The following ZSCAN5A variants were observed in gnomAD, a reference collection of about 807,000 sequenced individuals.
ZSCAN5A encodes the protein zinc finger and SCAN domain containing 5A.
Under a neutral mutation model 23.7 loss-of-function variants are expected in ZSCAN5A, and 12 were observed. That is an observed-to-expected ratio of 0.51 (90% CI 0.32 to 0.82). ZSCAN5A has a LOEUF of 0.82. ZSCAN5A is among the 40% of genes least tolerant of loss of function. The pLI is 0.03. For synonymous variants in ZSCAN5A, 257 were observed against 239.9 expected, an observed-to-expected ratio of 1.07 and a Z score of -0.66; for missense variants, 597 against 617.9, an observed-to-expected ratio of 0.97 and a Z score of 0.36.
intron 2 of ZSCAN5A, among the ~76,000 whole-genome samples, chr19:56,293,524 T>G (rs1002085685): frequency 2.0e-5 from 3 of 152,152 alleles, no homozygotes; most frequent in African/African-American, 7.2e-5. Flanking sequence ...GCAGAGAGTG[T>G]GCACTGTGGG....
intron 2 of ZSCAN5A, among the ~76,000 whole-genome samples, chr19:56,310,789 C>G (rs2040990618): frequency 6.6e-6 from 1 of 152,216 alleles, no homozygotes; most frequent in Non-Finnish European, 1.5e-5. Flanking sequence ...GGAGGAGGTT[C>G]CTTGTCCTGG....
At chr19:56,346,083 G>C (rs558687545) in intron 2 of ZSCAN5A, among the ~76,000 whole-genome samples, 5 of 150,754 alleles carry the variant, frequency 3.3e-5, no homozygotes, top group Admixed American at 6.6e-5. Context: ...AGAGAAAGGA[G>C]AGACAGCAGA....
intron 2 of ZSCAN5A, among the ~76,000 whole-genome samples, chr19:56,287,404 GC>G (rs2039205842): frequency 6.6e-6 from 1 of 151,814 alleles, no homozygotes; most frequent in Admixed American, 6.6e-5. Flanking sequence ...TTCCCTTCCC[GC>G]CTCTCCTCCC....
intron 2 of ZSCAN5A, among the ~76,000 whole-genome samples, chr19:56,311,096 C>CGTT (rs1306255319): frequency 6.6e-6 from 1 of 151,990 alleles, no homozygotes; most frequent in Admixed American, 6.6e-5. Context: ...CAGGGGGTTT[C>CGTT]GTTGTTGTTG....
chr19:56,295,372 T>C (rs963645219), intron 2 of ZSCAN5A, among the ~76,000 whole-genome samples: 1 of 151,990 alleles, frequency 6.6e-6, no homozygotes, highest in Non-Finnish European at 1.5e-5. Context: ...TGCGGGCGGA[T>C]CACCTCAGGT....
chr19:56,358,367 C>T (rs147403992), intron 2 of ZSCAN5A, among the ~76,000 whole-genome samples: 4,569 of 148,640 alleles, frequency 0.031, 708 homozygotes, highest in African/African-American at 0.11. Flanking sequence ...GTGATCCACC[C>T]GCCTCAGCCT....
At chr19:56,307,311 C>CTT (rs2040756204) in intron 2 of ZSCAN5A, among the ~76,000 whole-genome samples, 1 of 152,196 alleles carries the variant, frequency 6.6e-6, no homozygotes, top group Non-Finnish European at 1.5e-5. Context: ...ACCCCCACCC[C>CTT]CTGCTGCAGT....
chr19:56,320,097 G>A (rs1216745597), intron 2 of ZSCAN5A: 1 of 769,830 alleles, frequency 1.3e-6, no homozygotes, highest in South Asian at 1.3e-5. Context: ...TCTGAAGGCA[G>A]TAGGCTAATT....
chr19:56,287,440 C>T (rs1213880629), intron 2 of ZSCAN5A, among the ~76,000 whole-genome samples: 1 of 152,214 alleles, frequency 6.6e-6, no homozygotes, highest in African/African-American at 2.4e-5. Context: ...CGGAGCTACA[C>T]AGTCTTCTCC....
chr19:56,235,073 A>G (rs1282312512), intron 2 of ZSCAN5A, among the ~76,000 whole-genome samples: 5 of 134,232 alleles, frequency 3.7e-5, no homozygotes, highest in Non-Finnish European at 8.2e-5. Flanking sequence ...CCGTGGGCCA[A>G]GCCTCCACTC....
At position 56,351,538 on chromosome 19, in the gene ZSCAN5A, C is replaced by T. The variant is rs977233234; in HGVS notation, c.-358+11697G>A. Among the ~76,000 whole-genome samples the T allele has an allele frequency of 2.0e-5, 3 of 152,170 alleles. No homozygotes were observed. The highest frequency in any genetic ancestry group is 7.2e-5 in the African/African-American group (3 of 41,446). On this transcript the variant is annotated intron_variant, in intron 2 of 6. Transcript: ENST00000587340. This position sits in a 1 kb window ranked among gnomAD's most constrained non-coding sequence, Gnocchi z 4.8. Reference sequence around the variant, plus strand: ...TAAGGGACTGTCTTTCTGTTGCGCACAGGGTCTATCTCTGTTCCTTTCCCA... The same window carrying T: ...TAAGGGACTGTCTTTCTGTTGCGCATAGGGTCTATCTCTGTTCCTTTCCCA...
intron 2 of ZSCAN5A, among the ~76,000 whole-genome samples, chr19:56,245,842 T>C (rs1248579852): frequency 6.6e-6 from 1 of 152,100 alleles, no homozygotes; most frequent in Non-Finnish European, 1.5e-5. Context: ...CACATGGCCA[T>C]GTCTGGAGAT....
intron 2 of ZSCAN5A, among the ~76,000 whole-genome samples, chr19:56,332,311 A>G (rs1387849499): frequency 6.6e-6 from 1 of 152,208 alleles, no homozygotes; most frequent in Non-Finnish European, 1.5e-5. Context: ...TCATAGATCT[A>G]GAACTACGGC....
At chr19:56,366,422 C>CAAAAAAAAAAAAAAAAA (rs34420866) in intron 1 of ZSCAN5A, among the ~76,000 whole-genome samples, 1 of 83,170 alleles carries the variant, frequency 1.2e-5, no homozygotes, top group African/African-American at 3.8e-5. Context: ...GACTCTGTCT[C>CAAAAAAAAAAAAAAAAA]AAAAAAAAAA....
At chr19:56,260,509 T>A (rs1015593218) in intron 2 of ZSCAN5A, among the ~76,000 whole-genome samples, 1 of 152,188 alleles carries the variant, frequency 6.6e-6, no homozygotes, top group African/African-American at 2.4e-5. Context: ...CCACCGCGCC[T>A]GGGCTTTTTT....
At chr19:56,348,085 T>A (rs1273931285) in intron 2 of ZSCAN5A, 1 of 152,164 alleles carries the variant, frequency 6.6e-6, no homozygotes, top group Non-Finnish European at 1.5e-5. Context: ...TCAGGACCAG[T>A]TTCACAGACG....
At chr19:56,349,211 A>G (rs903772889) in intron 2 of ZSCAN5A, among the ~76,000 whole-genome samples, 1 of 152,104 alleles carries the variant, frequency 6.6e-6, no homozygotes, top group Non-Finnish European at 1.5e-5. Flanking sequence ...GGTATTAGTA[A>G]AACTCTCACC....
intron 2 of ZSCAN5A, chr19:56,304,865 G>A (rs540161108): frequency 1.8e-5 from 16 of 895,954 alleles, no homozygotes; most frequent in South Asian, 1.0e-4. Context: ...TTTTCCCACC[G>A]CTGGGGTGGG....
intron 2 of ZSCAN5A, among the ~76,000 whole-genome samples, chr19:56,249,399 G>A (rs191316846): frequency 9.2e-5 from 14 of 152,248 alleles, no homozygotes; most frequent in Non-Finnish European, 2.1e-4. Flanking sequence ...AGCCTTCTGA[G>A]TAGCTGCAAT....
Sources: gnomAD v4.1 joint callset for allele counts (sites outside exome capture counted in the v4.1 genomes callset) on GRCh38, gnomAD v4.1.1 for gene constraint, Gnocchi (gnomAD v3.1) non-coding constraint, MANE v1.5 for transcripts, NCBI Gene and HGNC (gene_info 2026-07-23, HGNC 2026-07-21) for gene names.